Variants in L3MBTL3 observed in about 807,000 individuals in gnomAD.
The protein encoded by L3MBTL3 is lethal(3)malignant brain tumor-like protein 3.
A neutral mutation model predicts 102.3 loss-of-function variants in L3MBTL3; 27 were observed. The ratio of observed to expected loss-of-function variants is 0.26; its 90% CI spans 0.19 to 0.36. L3MBTL3 has a LOEUF of 0.36. Ranked by LOEUF, L3MBTL3 falls within the 10% of genes least tolerant of loss-of-function variation. The pLI, the probability that L3MBTL3 is intolerant of heterozygous loss-of-function variation, is 1.00. For synonymous variants in L3MBTL3, 340 were observed against 320.9 expected, an observed-to-expected ratio of 1.06 and a Z score of -0.64; for missense variants, 798 against 955.3, an observed-to-expected ratio of 0.84 and a Z score of 2.17.
chr6:130,051,435 A>T (rs746262782), intron 6 of L3MBTL3, 27 bp downstream of exon 6: 1 of 1,598,788 alleles, frequency 6.3e-7, no homozygotes, highest in South Asian at 1.1e-5. Flanking sequence ...TTCCATCTAT[A>T]AATTGAGTTT....
intron 5 of L3MBTL3, among the ~76,000 whole-genome samples, chr6:130,050,608 CT>C (rs1781038998): frequency 6.6e-6 from 1 of 152,200 alleles, no homozygotes; most frequent in South Asian, 2.1e-4. Flanking sequence ...ATTATAAATA[CT>C]GGTTTTCTTG....
chr6:130,127,549 T>C (rs1786693660), intron 20 of L3MBTL3, among the ~76,000 whole-genome samples: 1 of 152,210 alleles, frequency 6.6e-6, no homozygotes, highest in Non-Finnish European at 1.5e-5. Context: ...AGAACTTTCA[T>C]ATGGTAAACA....
rs114866332 is a variant in L3MBTL3, at chr6:130,033,543, C to T, written c.-15-9142C>T. On this transcript the variant is annotated intron_variant, in intron 2 of 22. Coordinates refer to ENST00000361794, the MANE Select transcript of L3MBTL3 (RefSeq NM_032438.4). ...TAGTAATGATTTTAGGGTTAGTATT[C>T]CTGACACACTGTTTACAAAAGATAC... Among the ~76,000 whole-genome samples the T allele has an allele frequency of 7.6e-3, 1,154 of 152,178 alleles. 20 individuals are homozygous for T. The highest frequency in any genetic ancestry group is 0.026 in the African/African-American group (1,087 of 41,500).
At chr6:130,112,081 C>T (rs1374987807) in intron 19 of L3MBTL3, among the ~76,000 whole-genome samples, 1 of 152,200 alleles carries the variant, frequency 6.6e-6, no homozygotes, top group Non-Finnish European at 1.5e-5. Flanking sequence ...GTCAGATTCA[C>T]TCTCCTTTCC....
At chr6:130,046,539 A>G (rs150765397) in intron 3 of L3MBTL3, among the ~76,000 whole-genome samples, 2,634 of 152,352 alleles carry the variant, frequency 0.017, 37 homozygotes, top group Middle Eastern at 0.065. Context: ...GTTCAAGCCA[A>G]ACAAAACATG....
In L3MBTL3 at chr6:130,042,678, C is replaced by T. The variant is rs753064982; in HGVS notation, c.-15-7C>T. ...ATTTAGTGATATGCCTTCTTTTCCC[C>T]TTTCAGGTTAAAAAATAAATCATGA... is the stretch of plus-strand genomic sequence containing the variant. On this transcript the variant is annotated splice_region_variant and splice_polypyrimidine_tract_variant and intron_variant, in intron 2 of 22. Coordinates refer to ENST00000361794, the MANE Select transcript of L3MBTL3 (RefSeq NM_032438.4). 14 of 1,535,074 alleles carry T rather than the reference C, an allele frequency of 9.1e-6. No homozygotes were observed. The highest frequency in any genetic ancestry group is 3.4e-5 in the South Asian group (3 of 89,274).
At chr6:130,029,711 G>T (rs536185733) in intron 2 of L3MBTL3, among the ~76,000 whole-genome samples, 2 of 152,140 alleles carry the variant, frequency 1.3e-5, no homozygotes, top group Non-Finnish European at 2.9e-5. Flanking sequence ...TGATGTAAAG[G>T]TATTGGCCTT....
At chr6:130,100,087 A>G (rs369295308) in intron 18 of L3MBTL3, among the ~76,000 whole-genome samples, 13 of 152,360 alleles carry the variant, frequency 8.5e-5, no homozygotes, top group East Asian at 7.7e-4. Flanking sequence ...ATGTAATTCC[A>G]TCAGGAACTG....
At chr6:130,063,646 A>G (rs1431141316) in intron 10 of L3MBTL3, among the ~76,000 whole-genome samples, 1 of 152,136 alleles carries the variant, frequency 6.6e-6, no homozygotes, top group Non-Finnish European at 1.5e-5. Flanking sequence ...TCATTCATTA[A>G]AAATTGAACT....
chr6:130,078,994 A>G (rs965217851), intron 14 of L3MBTL3, among the ~76,000 whole-genome samples: 11 of 152,148 alleles, frequency 7.2e-5, no homozygotes, highest in African/African-American at 2.7e-4. Flanking sequence ...TCATTTCTCA[A>G]CTTGAAATTC....
intron 20 of L3MBTL3, among the ~76,000 whole-genome samples, chr6:130,128,375 T>G (rs1251564809): frequency 1.3e-5 from 2 of 152,138 alleles, no homozygotes; most frequent in African/African-American, 4.8e-5. Flanking sequence ...GAGCACGTAT[T>G]CCCAACACCA....
intron 10 of L3MBTL3, among the ~76,000 whole-genome samples, chr6:130,062,950 T>C (rs1392966689): frequency 6.6e-6 from 1 of 151,930 alleles, no homozygotes; most frequent in Non-Finnish European, 1.5e-5. Flanking sequence ...TAATTTTCTC[T>C]TTTTTCTCTC....
chr6:130,019,946 G>C (rs1363733146), intron 1 of L3MBTL3, among the ~76,000 whole-genome samples: 10 of 137,618 alleles, frequency 7.3e-5, no homozygotes, highest in Admixed American at 6.3e-4. Context: ...GCCGGCCCGG[G>C]TGCGGGCGCG....
chr6:130,042,021 A>G (rs1780452072), intron 2 of L3MBTL3, among the ~76,000 whole-genome samples: 1 of 152,206 alleles, frequency 6.6e-6, no homozygotes, highest in South Asian at 2.1e-4. Flanking sequence ...GGAGCCATCA[A>G]TCTTTCATCA....
intron 20 of L3MBTL3, among the ~76,000 whole-genome samples, chr6:130,123,411 C>T (rs561600199): frequency 1.1e-4 from 16 of 151,674 alleles, no homozygotes; most frequent in African/African-American, 3.9e-4. Flanking sequence ...GCATGTTTTG[C>T]TTATTGTCTT....
chr6:130,040,043 G>T (rs1408031303), intron 2 of L3MBTL3, among the ~76,000 whole-genome samples: 1 of 152,062 alleles, frequency 6.6e-6, no homozygotes, highest in Non-Finnish European at 1.5e-5. Context: ...AAAATCTGTT[G>T]GGGCTAGGTG....
intron 7 of L3MBTL3, among the ~76,000 whole-genome samples, chr6:130,053,509 C>T (rs1012851045): frequency 9.9e-5 from 15 of 152,056 alleles, no homozygotes; most frequent in African/African-American, 3.4e-4. Context: ...GTGGCAGGCT[C>T]CTGTAGTCCC....
Position 130,042,816 on chromosome 6 carries a change from T to A in L3MBTL3, c.102+15T>A, listed in dbSNP as rs1780507075. The A allele has an allele frequency of 6.7e-7, 1 of 1,493,020 alleles. No individual in the cohort carries two copies. Among genetic ancestry groups the A allele is most frequent in the African/African-American group, 1.4e-5 (1 of 72,562 alleles). 92.5% of individuals were successfully genotyped at this position (1,493,020 alleles called of 1,614,324 possible). A position where few individuals can be genotyped will look rare whatever the true frequency, so the allele number is the denominator to read the frequency against. ...GTGACTTAAAGGTAAACCCTCTTTATTACATACAATTATGTGTGTGTGCAT... is the reference window on the plus strand; with the variant it reads ...GTGACTTAAAGGTAAACCCTCTTTAATACATACAATTATGTGTGTGTGCAT... On this transcript the variant is annotated intron_variant, in intron 3 of 22. Transcript: ENST00000361794.
At chr6:130,094,414 T>TGGA in intron 18 of L3MBTL3, 47 bp downstream of exon 18, 1 of 1,196,796 alleles carries the variant, frequency 8.4e-7, no homozygotes, top group East Asian at 2.4e-5. Flanking sequence ...GTGTTCCATA[T>TGGA]ACATGTATAT....
Sources: gnomAD v4.1 joint callset for allele counts (sites outside exome capture counted in the v4.1 genomes callset) on GRCh38, gnomAD v4.1.1 for gene constraint, MANE v1.5 for transcripts, NCBI Gene and HGNC (gene_info 2026-07-23, HGNC 2026-07-21) for gene names.